Variants in SAMHD1 observed in about 807,000 individuals in gnomAD.
The protein encoded by SAMHD1 is SAM and HD domain containing deoxynucleoside triphosphate triphosphohydrolase 1, also known as deoxynucleoside triphosphate triphosphohydrolase SAMHD1.
A neutral mutation model predicts 79.6 loss-of-function variants in SAMHD1; 54 were observed. The ratio of observed to expected loss-of-function variants is 0.68; its 90% CI spans 0.55 to 0.85. The LOEUF is 0.85. SAMHD1 is among the 40% of genes least tolerant of loss of function. The pLI is 0.00. For missense variants in SAMHD1, 663 were observed against 782.7 expected (o/e 0.85, Z 1.82); for synonymous variants, 260 against 264.1 (o/e 0.98, Z 0.15).
At chr20:36,949,478 C>T (rs1269162630) in intron 1 of SAMHD1, among the ~76,000 whole-genome samples, 1 of 149,384 alleles carries the variant, frequency 6.7e-6, no homozygotes, top group South Asian at 2.1e-4. Context: ...AAAATGAGGC[C>T]GGGCGCGGTG....
rs756585504 is a variant in SAMHD1 at position 36,951,413 on chromosome 20, C to G, written c.208+23G>C. The G allele has an allele frequency of 3.1e-6, 5 of 1,612,546 alleles. No individual in the cohort carries two copies. The African/African-American group carries it at 6.7e-5, about 22-fold the overall frequency. On this transcript the variant is annotated intron_variant, in intron 1 of 15. Coordinates refer to ENST00000646673, the MANE Select transcript of SAMHD1 (RefSeq NM_015474.4). The stretch of plus-strand genomic sequence containing the variant: ...CGCCCCAGGTCGCCGCCCTTCGCCC[C>G]TCAGCCCCTCCGGAGCCGCTACCTC...
intron 6 of SAMHD1, among the ~76,000 whole-genome samples, chr20:36,921,575 G>A (rs936478105): frequency 2.6e-5 from 4 of 151,750 alleles, no homozygotes; most frequent in African/African-American, 9.7e-5. Flanking sequence ...TATGAAGGAT[G>A]CATCACTGAT....
At chr20:36,939,075 C>CAAAAAAAAAAAAAAAAAAAA (rs1178988134) in intron 3 of SAMHD1, among the ~76,000 whole-genome samples, 2 of 22,532 alleles carry the variant, frequency 8.9e-5, no homozygotes, top group Non-Finnish European at 1.4e-4. Context: ...CTAAAAATAC[C>CAAAAAAAAAAAAAAAAAAAA]AAAAAAAAAA....
At position 36,911,248 on chromosome 20, in the gene SAMHD1, C is replaced by A; in HGVS notation, c.1240G>T (p.Asp414Tyr). 6.2e-7 allele frequency: 1 copy of A among 1,613,276 alleles called. No homozygotes were observed. Among genetic ancestry groups the A allele is most frequent in the South Asian group, 1.1e-5 (1 of 91,078 alleles). ...AGCTTAGTATAGGCTTCCATGTCGT[C>A]AATTGCTGTAGAAATGCGATACTTT... ...GKKYRISTAIDDMEAYTKLTD... is the reference protein window; with the variant it reads ...GKKYRISTAIYDMEAYTKLTD... Residue 414 changes from aspartate to tyrosine, a missense_variant, in exon 11 of 16, where the codon GAC becomes TAC. Asp to Tyr is a radical substitution (Grantham distance 160). Coordinates refer to ENST00000646673, the MANE Select transcript of SAMHD1 (RefSeq NM_015474.4).
In SAMHD1 at chr20:36,892,773, C is replaced by CT. The variant is rs1250706402; in HGVS notation, c.*158dup. On this transcript the variant is annotated 3_prime_UTR_variant, in exon 16 of 16. Transcript: ENST00000646673. The stretch of plus-strand genomic sequence containing the variant: ...TATAGTAAGATTTGCCTAATACCAT[C>CT]TTATTTCTTTGATTAAAAGTTACTT... The CT allele has an allele frequency of 2.2e-6, 2 of 912,662 alleles. No individual in the cohort carries two copies. Among genetic ancestry groups the CT allele is most frequent in the Non-Finnish European group, 1.8e-6 (1 of 553,590 alleles). The allele number at this position is 912,662 out of a possible 1,614,324, so 56.5% of individuals were successfully genotyped here.
intron 5 of SAMHD1, among the ~76,000 whole-genome samples, chr20:36,928,767 CTA>C (rs1212347101): frequency 1.3e-5 from 2 of 149,544 alleles, no homozygotes; most frequent in Non-Finnish European, 3.0e-5. Flanking sequence ...TTAAAAAAAT[CTA>C]TCTTTGGCCG....
chr20:36,900,998 A>G (rs1027564223), intron 13 of SAMHD1, among the ~76,000 whole-genome samples: 31 of 152,204 alleles, frequency 2.0e-4, no homozygotes, highest in African/African-American at 5.8e-4. Context: ...TATGTACCCC[A>G]TGAAAATAGA....
At chr20:36,930,668 T>C (rs2063562820) in intron 5 of SAMHD1, 92 bp downstream of exon 5, 4 of 863,700 alleles carry the variant, frequency 4.6e-6, no homozygotes, top group African/African-American at 1.6e-5. Flanking sequence ...ACAATTTCCA[T>C]ATTCTCTTGG....
At chr20:36,893,145 TGC>T in intron 15 of SAMHD1, 79 bp from the exon 16 acceptor site, 2 of 1,544,854 alleles carry the variant, frequency 1.3e-6, no homozygotes, top group Middle Eastern at 1.7e-4. Context: ...AAGTCTCAAG[TGC>T]GCACATCCTC....
At chr20:36,948,287 C>T (rs1240872734) in intron 1 of SAMHD1, among the ~76,000 whole-genome samples, 2 of 151,300 alleles carry the variant, frequency 1.3e-5, no homozygotes, top group African/African-American at 4.9e-5. Context: ...GAGTCTCACT[C>T]GGTCGCCCAG....
In SAMHD1 at chr20:36,898,442, G is replaced by A; in HGVS notation, c.1606C>T (p.Gln536Ter). 1 of 1,608,876 alleles carries A rather than the reference G, an allele frequency of 6.2e-7. No homozygotes were observed. Among genetic ancestry groups the A allele is most frequent in the Admixed American group, 1.7e-5 (1 of 59,970 alleles). ...PNRAIRITKN[Q>*]VSQLLPEKFA... Reference sequence around the variant, plus strand: ...ATTTGTTTTGCCTAAGTAGTTACCTGGTTTTTAGTAATCCTGATTGCTCTG... The same window carrying A: ...ATTTGTTTTGCCTAAGTAGTTACCTAGTTTTTAGTAATCCTGATTGCTCTG... The change falls in exon 14 of 16, where the codon CAG becomes TAG. Residue 536 changes from glutamine (Q) to a stop codon, truncating the protein, a stop_gained and splice_region_variant. Transcript: ENST00000646673. LOFTEE classifies it high-confidence loss of function.
intron 6 of SAMHD1, among the ~76,000 whole-genome samples, chr20:36,922,746 G>C (rs148376698): frequency 6.6e-6 from 1 of 152,024 alleles, no homozygotes; most frequent in Non-Finnish European, 1.5e-5. Flanking sequence ...GCAGTAGCAC[G>C]ATCACAGCTC....
intron 15 of SAMHD1, among the ~76,000 whole-genome samples, chr20:36,896,859 TA>T (rs927980802): frequency 6.3e-4 from 79 of 124,554 alleles, no homozygotes; most frequent in African/African-American, 1.8e-3. Context: ...ATTAATTAAT[TA>T]AAAAAAAAAA....
rs145080309 is a variant in SAMHD1, at chr20:36,928,045, T to C, written c.626-793A>G. Among the ~76,000 whole-genome samples, 10 of 152,334 alleles carry C rather than the reference T, an allele frequency of 6.6e-5. No individual in the cohort carries two copies. In the East Asian group the frequency reaches 1.9e-3, roughly 29 times the overall value. ...AAAGAATGTTAATGCCAAAAACTTT[T>C]TGAAATCTTCAGATTGAAAATATCT... is the stretch of plus-strand genomic sequence containing the variant. On this transcript the variant is annotated intron_variant, in intron 5 of 15. Coordinates refer to ENST00000646673, the MANE Select transcript of SAMHD1 (RefSeq NM_015474.4).
intron 6 of SAMHD1, among the ~76,000 whole-genome samples, chr20:36,920,905 C>G (rs1161124337): frequency 2.0e-5 from 3 of 151,330 alleles, no homozygotes; most frequent in Non-Finnish European, 4.4e-5. Context: ...GGCAACAAAG[C>G]AAGACCCTGT....
chr20:36,949,312 A>C (rs957539445), intron 1 of SAMHD1, among the ~76,000 whole-genome samples: 2 of 151,644 alleles, frequency 1.3e-5, no homozygotes, highest in Non-Finnish European at 2.9e-5. Context: ...AATCAAACAG[A>C]GGCCCAAGAA....
rs1008516681 is a variant in SAMHD1, at chr20:36,906,661, G to A, written c.1271-1158C>T. Among the ~76,000 whole-genome samples, 44 of 151,982 alleles carry A rather than the reference G, an allele frequency of 2.9e-4. 1 individual carries two copies. The highest frequency in any genetic ancestry group is 1.1e-3 in the African/African-American group (44 of 41,416). ...GTCCCATTCGATGATGAGAGTAGAA[G>A]AAATGTTTTTCCTTTCTTTCATTTT... is the stretch of plus-strand genomic sequence containing the variant. On this transcript the variant is annotated intron_variant, in intron 11 of 15. Coordinates refer to ENST00000646673, the MANE Select transcript of SAMHD1 (RefSeq NM_015474.4).
In SAMHD1 at chr20:36,911,307, T is replaced by C; in HGVS notation, c.1181A>G (p.Asp394Gly). The change falls in exon 11 of 16, where the codon GAT (aspartate) becomes GGT (glycine). Residue 394 changes from aspartate to glycine, a missense_variant. Asp to Gly is a moderately conservative substitution (Grantham distance 94). Coordinates refer to ENST00000646673, the MANE Select transcript of SAMHD1 (RefSeq NM_015474.4). ...TMITDAFLKA[D>G]DYIEITGAGG... Reference sequence around the variant, plus strand: ...AGCACCTGTAATCTCTATGTAGTCATCTGCTTTGAGGAAAGCATCTGTAAT... The same window carrying C: ...AGCACCTGTAATCTCTATGTAGTCACCTGCTTTGAGGAAAGCATCTGTAAT... The C allele has an allele frequency of 1.2e-6, 2 of 1,612,108 alleles. No individual in the cohort carries two copies. The highest frequency in any genetic ancestry group is 1.7e-6 in the Non-Finnish European group (2 of 1,179,438).
rs1210836560 is a variant in SAMHD1, at chr20:36,946,587, A to G, written c.275+151T>C. 65 of 632,878 alleles carry G rather than the reference A, an allele frequency of 1.0e-4. 3 individuals are homozygous for G. Among genetic ancestry groups the G allele is most frequent in the Non-Finnish European group, 1.4e-5 (5 of 351,496 alleles). The allele number at this position is 632,878 out of a possible 1,614,324, so 39.2% of individuals were successfully genotyped here. On this transcript the variant is annotated intron_variant, in intron 2 of 15. Transcript: ENST00000646673. ...AGACTATCTCAAAAAACAAATGAAC[A>G]AACAAAACCAGCAGGCAAGGGATTC...
Sources: gnomAD v4.1 joint callset for allele counts (sites outside exome capture counted in the v4.1 genomes callset) on GRCh38, gnomAD v4.1.1 for gene constraint, MANE v1.5 for transcripts, NCBI Gene and HGNC (gene_info 2026-07-23, HGNC 2026-07-21) for gene names.